ZNF200: variants seen among roughly 807,000 people sequenced by gnomAD.
The protein encoded by ZNF200 is zinc finger protein 200.
A neutral mutation model predicts 33.6 loss-of-function variants in ZNF200; 35 were observed. That is an observed-to-expected ratio of 1.04 (90% confidence interval 0.80 to 1.38). ZNF200 has a LOEUF of 1.38. Among genes scored for constraint, ZNF200 ranks in the 40% most tolerant of loss-of-function variants. The probability of loss-of-function intolerance (pLI) is 0.00; values close to 1 mark genes in which losing one functional copy is unlikely to be tolerated. For synonymous variants in ZNF200, 209 were observed against 167.7 expected (o/e 1.25, Z -1.90); for missense variants, 592 against 470.6 (o/e 1.26, Z -2.39).
intron 4 of ZNF200, among the ~76,000 whole-genome samples, chr16:3,229,483 T>C (rs1414152916): frequency 2.0e-5 from 3 of 151,594 alleles, no homozygotes; most frequent in Admixed American, 6.6e-5. Flanking sequence ...ATAGAGAAAA[T>C]TGAAATTATC....
intron 3 of ZNF200, 27 bp downstream of exon 3, chr16:3,232,806 G>C (rs773938764): frequency 9.3e-6 from 15 of 1,607,136 alleles, no homozygotes; most frequent in Non-Finnish European, 1.2e-5. Flanking sequence ...GATGGATTCA[G>C]GCAGTAAATG....
At position 3,233,756 on chromosome 16, in the gene ZNF200, G is replaced by A. The variant is rs1958713124; in HGVS notation, c.-1C>T. On this transcript the variant is annotated 5_prime_UTR_variant, in exon 2 of 5. Coordinates refer to ENST00000414144, the MANE Select transcript of ZNF200 (RefSeq NM_198088.3). ...TAGGAACCACTTTTGCAGCCATCAT[G>A]CCTTGCAACCACACACCACACTCGT... is the stretch of plus-strand genomic sequence containing the variant. 13 of 1,608,628 alleles carry A rather than the reference G, an allele frequency of 8.1e-6. No homozygotes were observed. The highest frequency in any genetic ancestry group is 1.1e-5 in the Non-Finnish European group (13 of 1,177,294).
At chr16:3,230,687 T>A (rs909034501) in intron 4 of ZNF200, among the ~76,000 whole-genome samples, 2 of 152,204 alleles carry the variant, frequency 1.3e-5, no homozygotes, top group African/African-American at 2.4e-5. Flanking sequence ...TTTGCAAAAA[T>A]TGGTTAAATG....
At position 3,232,914 on chromosome 16, in the gene ZNF200, A is replaced by G; in HGVS notation, c.258T>C (p.Pro86=). 1 of 1,613,736 alleles carries G rather than the reference A, an allele frequency of 6.2e-7. No homozygotes were observed. The highest frequency in any genetic ancestry group is 8.5e-7 in the Non-Finnish European group (1 of 1,179,808). ...VSSSLQNRVH[P]RPLVKLLPKG... ...TGGGCAGAAGCTTCACCAAGGGACG[A>G]GGATGCACTGGGGAAAGAGGAAGGT... is the stretch of plus-strand genomic sequence containing the variant. The change falls in exon 3 of 5, where the codon CCT becomes CCC. Residue 86 remains proline, a synonymous_variant. Coordinates refer to ENST00000414144, the MANE Select transcript of ZNF200 (RefSeq NM_198088.3).
chr16:3,226,490 T>C (rs1254508719), intron 4 of ZNF200: 2 of 152,242 alleles, frequency 1.3e-5, no homozygotes, highest in Non-Finnish European at 2.9e-5. Context: ...CTAATCTTGT[T>C]AGCATTAAAT....
chr16:3,233,844 C>T lies in ZNF200; in HGVS notation c.-81-8G>A. On this transcript the variant is annotated splice_polypyrimidine_tract_variant and splice_region_variant and intron_variant, in intron 1 of 4. Coordinates refer to ENST00000414144, the MANE Select transcript of ZNF200 (RefSeq NM_198088.3). ...ATCTGCCAGAGAGCCAAGCTGTAGA[C>T]AGAGAAACCAGGGATTACCCAAAAG... 6.6e-6 allele frequency: 10 copies of T among 1,511,712 alleles called. No individual in the cohort carries two copies. Among genetic ancestry groups the T allele is most frequent in the Non-Finnish European group, 8.0e-6 (9 of 1,131,982 alleles). 93.6% of individuals were successfully genotyped at this position (1,511,712 alleles called of 1,614,324 possible).
At chr16:3,232,743 G>T in intron 3 of ZNF200, 90 bp downstream of exon 3, 1 of 1,470,214 alleles carries the variant, frequency 6.8e-7, no homozygotes, top group Non-Finnish European at 9.4e-7. Flanking sequence ...CACCCAAGAA[G>T]GCCAACTCCT....
rs1262971291 is a variant in ZNF200, at chr16:3,233,705, A to G, written c.51T>C (p.Phe17=). Residue 17 remains phenylalanine, a synonymous_variant, in exon 2 of 5, where the codon TTT becomes TTC. Coordinates refer to ENST00000414144, the MANE Select transcript of ZNF200 (RefSeq NM_198088.3). ...TGGAGTCTGGCGGAACTCTCAGTAT[A>G]AAGGACTGCTTTGGCTTTGGGGGCA... The part of the protein sequence containing the change: ...VPMPPKPKQS[F]ILRVPPDSKL... The G allele has an allele frequency of 2.5e-6, 4 of 1,613,556 alleles. No homozygotes were observed. In the African/African-American group the frequency reaches 4.0e-5, roughly 16 times the overall value.
Position 3,233,661 on chromosome 16 carries a change from A to G in ZNF200, c.95T>C (p.Leu32Pro), listed in dbSNP as rs749133083. 8 of 1,613,918 alleles carry G rather than the reference A, an allele frequency of 5.0e-6. 1 individual carries two copies. Among genetic ancestry groups the G allele is most frequent in the Non-Finnish European group, 5.9e-6 (7 of 1,179,982 alleles). Residue 32 changes from leucine to proline, a missense_variant, in exon 2 of 5, where the codon CTT becomes CCT. By Grantham distance (98) the Leu-to-Pro change is moderately conservative. Coordinates refer to ENST00000414144, the MANE Select transcript of ZNF200 (RefSeq NM_198088.3). ...CTTGGGCCCGTTAGTGGCATCTCGA[A>G]GTAGGTCTTGGCCCAGCTTGGAGTC... is the stretch of plus-strand genomic sequence containing the variant. Reference protein sequence around the residue: ...PPDSKLGQDLLRDATNGPKTI... With the variant: ...PPDSKLGQDLPRDATNGPKTI...
chr16:3,229,429 T>C (rs1477768156), intron 4 of ZNF200, among the ~76,000 whole-genome samples: 3 of 151,838 alleles, frequency 2.0e-5, no homozygotes, highest in African/African-American at 2.4e-5. Context: ...GAGTTAAAAA[T>C]AGAAAAAAAC....
intron 3 of ZNF200, 49 bp from the exon 4 acceptor site, chr16:3,232,596 C>T: frequency 6.2e-7 from 1 of 1,602,928 alleles, no homozygotes; most frequent in South Asian, 1.1e-5. Flanking sequence ...GGTTCACTGA[C>T]AGCCCTACTG....
At chr16:3,231,664 T>C (rs1448828498) in intron 4 of ZNF200, among the ~76,000 whole-genome samples, 1 of 152,150 alleles carries the variant, frequency 6.6e-6, no homozygotes, top group Non-Finnish European at 1.5e-5. Context: ...TGAGGACAAA[T>C]AAAGAATGCC....
intron 2 of ZNF200, 101 bp downstream of exon 2, chr16:3,233,405 T>A: frequency 1.4e-6 from 2 of 1,441,100 alleles, no homozygotes; most frequent in Non-Finnish European, 1.8e-6. Flanking sequence ...CCTTTTCCAA[T>A]ATACACCATC....
rs1296528546 is a variant in ZNF200 at position 3,224,316 on chromosome 16, G to A, written c.764C>T (p.Pro255Leu). The change falls in exon 5 of 5, where the codon CCA becomes CTA. Residue 255 changes from proline to leucine, a missense_variant. Pro to Leu is a moderately conservative substitution (Grantham distance 98). Transcript: ENST00000414144. ...TTCATTAAACTGTTTCCCACACAGT[G>A]GACAAGTGTACCATCTCCTTGTCCT... Reference protein sequence around the residue: ...NRRTRRWYTCPLCGKQFNESS... With the variant: ...NRRTRRWYTCLLCGKQFNESS... 6.2e-7 allele frequency: 1 copy of A among 1,614,144 alleles called. No homozygotes were observed. Among genetic ancestry groups the A allele is most frequent in the East Asian group, 2.2e-5 (1 of 44,884 alleles).
chr16:3,229,872 A>C (rs1958589678), intron 4 of ZNF200, among the ~76,000 whole-genome samples: 1 of 152,172 alleles, frequency 6.6e-6, no homozygotes, highest in African/African-American at 2.4e-5. Flanking sequence ...TCAAAAAAAA[A>C]AAAGAAGGAA....
intron 1 of ZNF200, 107 bp from the exon 2 acceptor site, chr16:3,233,943 A>G: frequency 1.3e-6 from 1 of 798,144 alleles, no homozygotes; most frequent in Admixed American, 3.5e-5. Context: ...AGAAAACGAC[A>G]GCTGGGATAG....
intron 4 of ZNF200, among the ~76,000 whole-genome samples, chr16:3,230,493 C>T (rs1439515906): frequency 2.0e-5 from 3 of 152,090 alleles, no homozygotes; most frequent in Non-Finnish European, 4.4e-5. Context: ...GTGTATTCTC[C>T]TATCACAGCA....
intron 4 of ZNF200, among the ~76,000 whole-genome samples, chr16:3,228,933 C>T (rs983267257): frequency 3.3e-5 from 5 of 151,948 alleles, no homozygotes; most frequent in Non-Finnish European, 5.9e-5. Context: ...CCTTCATATT[C>T]ATAGGTTCTG....
At chr16:3,231,481 G>T (rs761406397) in intron 4 of ZNF200, among the ~76,000 whole-genome samples, 12 of 152,112 alleles carry the variant, frequency 7.9e-5, no homozygotes, top group African/African-American at 2.7e-4. Flanking sequence ...AGCCCTGAAG[G>T]CAAAGTAAAA....
Sources: gnomAD v4.1 joint callset for allele counts (sites outside exome capture counted in the v4.1 genomes callset) on GRCh38, gnomAD v4.1.1 for gene constraint, MANE v1.5 for transcripts, NCBI Gene and HGNC (gene_info 2026-07-23, HGNC 2026-07-21) for gene names.